The following ANKRD30B variants were observed in gnomAD, a reference collection of about 807,000 sequenced individuals.
The protein encoded by ANKRD30B is ankyrin repeat domain-containing protein 30B.
Under a neutral mutation model 202.2 loss-of-function variants are expected in ANKRD30B, and 144 were observed. That is an observed-to-expected ratio of 0.71 (90% CI 0.62 to 0.82). The LOEUF is 0.82. Ranked by LOEUF, ANKRD30B falls within the 40% of genes least tolerant of loss-of-function variation. ANKRD30B has a pLI of 0.00. For missense variants in ANKRD30B, 1,487 were observed against 1,669.1 expected (o/e 0.89, Z 1.90); for synonymous variants, 508 against 561.3 (o/e 0.91, Z 1.34).
At chr18:14,936,318 G>A in the ANKRD30B span, among the ~76,000 whole-genome samples, 1 of 152,114 alleles carries the variant, frequency 6.6e-6, no homozygotes, top group Admixed American at 6.5e-5. Flanking sequence ...AGATTTTTGA[G>A]GCTGCCAAAG....
At chr18:14,904,427 T>C in the ANKRD30B span, among the ~76,000 whole-genome samples, 1 of 152,168 alleles carries the variant, frequency 6.6e-6, no homozygotes, top group African/African-American at 2.4e-5. Flanking sequence ...GACTGTTCTA[T>C]TTTGTGAGTC....
At chr18:14,822,388 C>T in intron 30 of ANKRD30B, 95 bp from the exon 31 acceptor site, 3 of 894,578 alleles carry the variant, frequency 3.4e-6, no homozygotes, top group South Asian at 1.3e-5. Flanking sequence ...TCAATCCAAG[C>T]ATGAGGATTC....
intron 32 of ANKRD30B, among the ~76,000 whole-genome samples, chr18:14,827,930 A>T (rs1009667208): frequency 5.9e-5 from 9 of 152,226 alleles, no homozygotes; most frequent in Admixed American, 3.3e-4. Context: ...TCCTACCAAT[A>T]GTATACTTAA....
intron 36 of ANKRD30B, among the ~76,000 whole-genome samples, chr18:14,838,882 G>A (rs1971291232): frequency 6.6e-6 from 1 of 152,248 alleles, no homozygotes; most frequent in Non-Finnish European, 1.5e-5. Flanking sequence ...TGGAAAGTCT[G>A]TATACAAATG....
chr18:14,893,864 G>A, the ANKRD30B span, among the ~76,000 whole-genome samples: 1 of 150,750 alleles, frequency 6.6e-6, no homozygotes, highest in Non-Finnish European at 1.5e-5. Flanking sequence ...GTAGCACTCA[G>A]TAAATTTATT....
chr18:14,937,160 G>A, the ANKRD30B span, among the ~76,000 whole-genome samples: 3 of 152,198 alleles, frequency 2.0e-5, no homozygotes, highest in Non-Finnish European at 2.9e-5. Flanking sequence ...GACATAAGGT[G>A]AATACATCAT....
the ANKRD30B span, chr18:14,909,930 C>T: frequency 6.6e-6 from 1 of 151,966 alleles, no homozygotes; most frequent in Non-Finnish European, 1.5e-5. Flanking sequence ...AGTAACTTCT[C>T]TAAATCTAGT....
At chr18:14,777,343 G>T (rs1967421117) in intron 9 of ANKRD30B, among the ~76,000 whole-genome samples, 3 of 151,716 alleles carry the variant, frequency 2.0e-5, no homozygotes, top group Admixed American at 1.3e-4. Flanking sequence ...CCGTCACCAT[G>T]CTGGAGTGCA....
At chr18:14,752,730 A>G in intron 2 of ANKRD30B, 50 bp downstream of exon 2, 1 of 1,548,834 alleles carries the variant, frequency 6.5e-7, no homozygotes, top group Non-Finnish European at 8.8e-7. Flanking sequence ...GTTTAAATAC[A>G]TAGAATAAAA....
intron 4 of ANKRD30B, among the ~76,000 whole-genome samples, chr18:14,756,505 C>A (rs12961957): frequency 0.047 from 7,120 of 152,216 alleles, 219 homozygotes; most frequent in Middle Eastern, 0.078. Context: ...ATGGTATTGC[C>A]TAGGTTTTCT....
chr18:14,921,031 C>A, the ANKRD30B span, among the ~76,000 whole-genome samples: 1 of 152,164 alleles, frequency 6.6e-6, no homozygotes, highest in African/African-American at 2.4e-5. Flanking sequence ...TTATCAAGGT[C>A]TTTGTCTGGA....
the ANKRD30B span, among the ~76,000 whole-genome samples, chr18:14,920,311 CTT>C: frequency 6.6e-6 from 1 of 152,238 alleles, no homozygotes; most frequent in African/African-American, 2.4e-5. Context: ...CTCACTTTGA[CTT>C]TGGCTTTCTC....
At chr18:14,819,118 AT>A (rs1221840263) in intron 30 of ANKRD30B, among the ~76,000 whole-genome samples, 1 of 151,112 alleles carries the variant, frequency 6.6e-6, no homozygotes, top group East Asian at 1.9e-4. Context: ...GCCAGTGATG[AT>A]GAGCATTTTT....
At chr18:14,800,011 A>T (rs1293754860) in intron 22 of ANKRD30B, among the ~76,000 whole-genome samples, 1 of 151,926 alleles carries the variant, frequency 6.6e-6, no homozygotes, top group Non-Finnish European at 1.5e-5. Context: ...TGGGCAGATT[A>T]CTTAAGGTCA....
chr18:14,862,745 T>C, the ANKRD30B span, among the ~76,000 whole-genome samples: 3 of 152,236 alleles, frequency 2.0e-5, no homozygotes, highest in South Asian at 6.2e-4. Context: ...CACTCAACTC[T>C]GATCCAAGAC....
the ANKRD30B span, among the ~76,000 whole-genome samples, chr18:14,911,035 G>A: frequency 6.6e-6 from 1 of 151,954 alleles, no homozygotes; most frequent in Admixed American, 6.6e-5. Context: ...CCCTTTGACT[G>A]ATAGTTTGCA....
Position 14,819,944 on chromosome 18 carries a change from A to T in ANKRD30B, c.2642-2539A>T, listed in dbSNP as rs28793034. 8.0e-3 allele frequency among the ~76,000 whole-genome samples: 1,210 copies of T among 151,882 alleles called. 14 individuals are homozygous for T. Among genetic ancestry groups the T allele is most frequent in the African/African-American group, 0.028 (1,169 of 41,358 alleles). On this transcript the variant is annotated intron_variant, in intron 30 of 43. Coordinates refer to ENST00000690538, the MANE Select transcript of ANKRD30B (RefSeq NM_001367607.2). ...TGGGGATGGCATTGAATCTGTAAAT[A>T]ACCTTGGGCAGTATGGCCATTTTCA...
the ANKRD30B span, among the ~76,000 whole-genome samples, chr18:14,931,556 A>G: frequency 2.6e-5 from 4 of 152,064 alleles, no homozygotes; most frequent in Non-Finnish European, 5.9e-5. Flanking sequence ...TGTAAGGCGG[A>G]GCTGCCCTCC....
At chr18:14,883,500 C>T in the ANKRD30B span, 8 of 144,692 alleles carry the variant, frequency 5.5e-5, no homozygotes, top group Non-Finnish European at 1.1e-4. Context: ...CCAGTGTGTA[C>T]CTACCATTGA....
Sources: allele counts gnomAD v4.1 joint callset (sites outside exome capture counted in the v4.1 genomes callset), GRCh38; gene constraint gnomAD v4.1.1; transcripts MANE v1.5; gene names NCBI Gene and HGNC (gene_info 2026-07-23, HGNC 2026-07-21).